The following PPP4R1 variants were observed in gnomAD, a reference collection of about 807,000 sequenced individuals.
The protein encoded by PPP4R1 is serine/threonine-protein phosphatase 4 regulatory subunit 1.
In PPP4R1, 42 loss-of-function variants were observed where a neutral mutation model predicts 111.2. That is an observed-to-expected ratio of 0.38 (90% confidence interval 0.29 to 0.49). PPP4R1 has a LOEUF of 0.49. Among genes scored for constraint, PPP4R1 ranks in the 20% least tolerant of loss-of-function variants. PPP4R1 has a pLI of 0.97. For synonymous variants in PPP4R1, 409 were observed against 405.5 expected (o/e 1.01, Z -0.10); for missense variants, 1,012 against 1,161.6 (o/e 0.87, Z 1.87).
chr18:9,574,787 CAG>C (rs2066912563), intron 10 of PPP4R1, among the ~76,000 whole-genome samples: 1 of 152,178 alleles, frequency 6.6e-6, no homozygotes, highest in African/African-American at 2.4e-5. Flanking sequence ...CTGGACAACT[CAG>C]TGCATCTAAG....
chr18:9,579,517 CGTGTGTGTGTGTGTGT>C (rs3974278), intron 9 of PPP4R1, among the ~76,000 whole-genome samples: 1 of 147,770 alleles, frequency 6.8e-6, no homozygotes, highest in African/African-American at 2.5e-5. Context: ...AGGATTTACA[CGTGTGTGTGTGTGTGT>C]GTGTGTGTGT....
At chr18:9,558,087 C>G (rs556551346) in intron 14 of PPP4R1, among the ~76,000 whole-genome samples, 3 of 152,164 alleles carry the variant, frequency 2.0e-5, no homozygotes, top group African/African-American at 2.4e-5. Context: ...TTAAAAACAT[C>G]CTTTTCTCCA....
At chr18:9,603,958 T>C (rs925899972) in intron 2 of PPP4R1, among the ~76,000 whole-genome samples, 12 of 152,220 alleles carry the variant, frequency 7.9e-5, no homozygotes, top group African/African-American at 2.7e-4. Flanking sequence ...CACAATTTTT[T>C]TGTTTTATTT....
Position 9,588,884 on chromosome 18 carries a change from T to C in PPP4R1, c.296-31A>G, listed in dbSNP as rs780655447. On this transcript the variant is annotated intron_variant, in intron 4 of 19. Transcript: ENST00000400556. ...GAAATAACGGCAATGTGAGCAAACA[T>C]GTTCTCCTGCAGCAACAAAACCTTT... The C allele has an allele frequency of 1.8e-5, 29 of 1,605,692 alleles. 1 individual carries two copies. The Admixed American group carries it at 4.3e-4, about 24-fold the overall frequency.
intron 4 of PPP4R1, chr18:9,590,217 A>G (rs1181622753): frequency 1.3e-5 from 2 of 152,206 alleles, no homozygotes; most frequent in Non-Finnish European, 2.9e-5. Flanking sequence ...GTCTACTAGG[A>G]TTTCAGATAT....
intron 11 of PPP4R1, among the ~76,000 whole-genome samples, chr18:9,565,232 C>T (rs2066746700): frequency 6.6e-6 from 1 of 152,208 alleles, no homozygotes; most frequent in Non-Finnish European, 1.5e-5. Flanking sequence ...GAGCTGCTAA[C>T]TAGCCATACA....
At chr18:9,551,319 C>T (rs989155491) in intron 16 of PPP4R1, 5 of 152,224 alleles carry the variant, frequency 3.3e-5, no homozygotes, top group African/African-American at 4.8e-5. Flanking sequence ...AACTGCCCCT[C>T]AGCAGAGCCC....
chr18:9,610,103 A>C (rs1285025416), intron 2 of PPP4R1, among the ~76,000 whole-genome samples: 1 of 152,256 alleles, frequency 6.6e-6, no homozygotes, highest in Non-Finnish European at 1.5e-5. Flanking sequence ...AAACTCCTTC[A>C]ATGAAATTAT....
Position 9,570,643 on chromosome 18 carries a change from G to A in PPP4R1, c.1087C>T (p.Pro363Ser). 6.2e-7 allele frequency: 1 copy of A among 1,605,366 alleles called. No homozygotes were observed. The highest frequency in any genetic ancestry group is 8.5e-7 in the Non-Finnish European group (1 of 1,175,702). ...CTGAGATCTGAAGGAGTATCCTCTG[G>A]CCTGACTTGTACATCCTCTGGGGCT... ...QEAPEDVQVR[P>S]EDTPSDLSVS... The change falls in exon 11 of 20, where the codon CCA becomes TCA. Residue 363 changes from proline to serine, a missense_variant. Transcript: ENST00000400556.
At chr18:9,594,887 G>T in intron 3 of PPP4R1, 131 bp downstream of exon 3, 1 of 1,099,212 alleles carries the variant, frequency 9.1e-7, no homozygotes, top group Non-Finnish European at 1.3e-6. Context: ...CTGTGATTAT[G>T]AATAAAACTT....
At chr18:9,609,609 G>C (rs895255896) in intron 2 of PPP4R1, among the ~76,000 whole-genome samples, 2 of 152,128 alleles carry the variant, frequency 1.3e-5, no homozygotes, top group Non-Finnish European at 2.9e-5. Context: ...CAATAACATA[G>C]CTTCAAAAAC....
At position 9,573,887 on chromosome 18, in the gene PPP4R1, T is replaced by G. The variant is rs2066898689; in HGVS notation, c.1046+3177A>C. ...TTGTTAGTTTGTCCAAACTTAAAACTCTTAGAATGATTTTTTTAAAAGGAA... is the reference window on the plus strand; with the variant it reads ...TTGTTAGTTTGTCCAAACTTAAAACGCTTAGAATGATTTTTTTAAAAGGAA... On this transcript the variant is annotated intron_variant, in intron 10 of 19. Transcript: ENST00000400556. Among the ~76,000 whole-genome samples the G allele has an allele frequency of 3.9e-5, 6 of 152,342 alleles. No individual in the cohort carries two copies. The South Asian group carries it at 1.2e-3, about 32-fold the overall frequency.
At chr18:9,606,536 T>TA (rs1568129615) in intron 2 of PPP4R1, among the ~76,000 whole-genome samples, 1 of 152,146 alleles carries the variant, frequency 6.6e-6, no homozygotes, top group African/African-American at 2.4e-5. Context: ...ATAATATAAA[T>TA]AATGTTTATC....
intron 2 of PPP4R1, among the ~76,000 whole-genome samples, chr18:9,609,924 C>T (rs2067548509): frequency 1.3e-5 from 2 of 152,222 alleles, no homozygotes; most frequent in Admixed American, 1.3e-4. Flanking sequence ...TCCCTTTGGG[C>T]ATTAGTCAAC....
upstream of PPP4R1, among the ~76,000 whole-genome samples, chr18:9,616,684 A>C (rs1226284111): frequency 2.6e-5 from 4 of 152,358 alleles, no homozygotes; most frequent in East Asian, 7.7e-4. Context: ...GTCTTGATCT[A>C]CACAGTTGAG....
chr18:9,609,388 A>C (rs55833067), intron 2 of PPP4R1, among the ~76,000 whole-genome samples: 25,084 of 152,024 alleles, frequency 0.17, 2,887 homozygotes, highest in African/African-American at 0.33. Context: ...CTCCCACCGG[A>C]AGCAAGGACT....
intron 9 of PPP4R1, among the ~76,000 whole-genome samples, chr18:9,582,144 A>G (rs900468456): frequency 6.6e-6 from 1 of 152,026 alleles, no homozygotes; most frequent in Admixed American, 6.6e-5. Flanking sequence ...AAGACACTGG[A>G]AAAAGAAGCA....
intron 16 of PPP4R1, chr18:9,551,529 A>G (rs1443825268): frequency 1.3e-5 from 2 of 152,308 alleles, no homozygotes; most frequent in African/African-American, 4.8e-5. Flanking sequence ...GGGTGCTTCA[A>G]GAAAGATGGT....
intron 4 of PPP4R1, chr18:9,590,208 T>C (rs960172824): frequency 3.3e-5 from 5 of 152,326 alleles, no homozygotes; most frequent in African/African-American, 1.2e-4. Context: ...TATGAATGTG[T>C]CTACTAGGAT....
Sources: allele counts gnomAD v4.1 joint callset (sites outside exome capture counted in the v4.1 genomes callset), GRCh38; gene constraint gnomAD v4.1.1; transcripts MANE v1.5; gene names NCBI Gene and HGNC (gene_info 2026-07-23, HGNC 2026-07-21).